The following ATP8B4 variants were observed in gnomAD, a reference collection of about 807,000 sequenced individuals.
ATP8B4 encodes ATPase phospholipid transporting 8B4 (putative).
ATP8B4 carries 133 observed loss-of-function variants against 145.6 expected under a neutral mutation model. That is an observed-to-expected ratio of 0.91 (90% CI 0.79 to 1.05). The LOEUF is 1.05. Ranked by LOEUF, ATP8B4 falls within the 50% of genes least tolerant of loss-of-function variation. The probability of loss-of-function intolerance (pLI) is 0.00; values close to 1 mark genes in which losing one functional copy is unlikely to be tolerated. For missense variants in ATP8B4, 1,458 were observed against 1,425.2 expected, an observed-to-expected ratio of 1.02 and a Z score of -0.37; for synonymous variants, 507 against 492.9, an observed-to-expected ratio of 1.03 and a Z score of -0.38.
At chr15:49,873,109 T>G (rs1263277824) in intron 25 of ATP8B4, among the ~76,000 whole-genome samples, 2 of 152,214 alleles carry the variant, frequency 1.3e-5, no homozygotes, top group East Asian at 3.8e-4. Context: ...AGGTTATCCA[T>G]TTTTTAATTA....
At chr15:49,921,215 T>C (rs2040227813) in intron 17 of ATP8B4, among the ~76,000 whole-genome samples, 1 of 152,228 alleles carries the variant, frequency 6.6e-6, no homozygotes, top group African/African-American at 2.4e-5. Context: ...TTTTTTGCTG[T>C]ATTAAAGTTT....
chr15:50,005,909 C>T (rs114937963), intron 7 of ATP8B4, among the ~76,000 whole-genome samples: 1 of 150,374 alleles, frequency 6.7e-6, no homozygotes, highest in African/African-American at 2.5e-5. Flanking sequence ...TTAAGTTGAA[C>T]ACTTTTGGAT....
intron 15 of ATP8B4, 133 bp downstream of exon 15, chr15:49,933,884 T>A: frequency 1.1e-6 from 1 of 927,942 alleles, no homozygotes; most frequent in South Asian, 2.9e-5. Flanking sequence ...TCAGTTTCTG[T>A]GTTAAAAAAC....
intron 2 of ATP8B4, among the ~76,000 whole-genome samples, chr15:50,086,906 ATAT>A (rs370331035): frequency 0.21 from 19,209 of 93,358 alleles, 2,937 homozygotes; most frequent in Middle Eastern, 0.39. Context: ...ATAGAGATCT[ATAT>A]TATTATATAT....
chr15:50,085,497 T>A (rs1188697320), intron 2 of ATP8B4, among the ~76,000 whole-genome samples: 2 of 151,938 alleles, frequency 1.3e-5, no homozygotes, highest in Non-Finnish European at 2.9e-5. Flanking sequence ...GGAATGCAGA[T>A]CCACGCAGTG....
intron 23 of ATP8B4, 134 bp downstream of exon 23, chr15:49,897,158 G>A (rs1294131571): frequency 1.0e-5 from 8 of 791,368 alleles, no homozygotes; most frequent in South Asian, 7.4e-5. Context: ...TTACATAATT[G>A]TAATACTATT....
At chr15:49,886,934 C>G (rs922006674) in intron 23 of ATP8B4, among the ~76,000 whole-genome samples, 1 of 152,028 alleles carries the variant, frequency 6.6e-6, no homozygotes, top group African/African-American at 2.4e-5. Context: ...CTCAGCCTCC[C>G]GAGTAGCTGG....
intron 3 of ATP8B4, among the ~76,000 whole-genome samples, chr15:50,051,517 C>T (rs1033878009): frequency 6.6e-5 from 10 of 152,002 alleles, no homozygotes; most frequent in African/African-American, 9.7e-5. Flanking sequence ...TACTGAAAAC[C>T]GTTCTGAAAG....
At chr15:50,103,161 G>A (rs1326296626) in intron 2 of ATP8B4, among the ~76,000 whole-genome samples, 1 of 152,068 alleles carries the variant, frequency 6.6e-6, no homozygotes, top group African/African-American at 2.4e-5. Flanking sequence ...AAAGTTGAAA[G>A]CATTCCCCCT....
chr15:50,040,315 C>T (rs1358669794), intron 5 of ATP8B4, among the ~76,000 whole-genome samples: 1 of 152,232 alleles, frequency 6.6e-6, no homozygotes, highest in African/African-American at 2.4e-5. Flanking sequence ...GCCTCAACTA[C>T]GTCTCCAGGT....
At chr15:50,133,401 A>C (rs1362571390) in intron 1 of ATP8B4, among the ~76,000 whole-genome samples, 2 of 151,386 alleles carry the variant, frequency 1.3e-5, no homozygotes, top group Non-Finnish European at 2.9e-5. Context: ...CAATATGGGG[A>C]AACTTCATCT....
At chr15:50,044,491 C>T in intron 5 of ATP8B4, 103 bp downstream of exon 5, 1 of 779,746 alleles carries the variant, frequency 1.3e-6, no homozygotes, top group Non-Finnish European at 2.0e-6. Flanking sequence ...TGATATTAAC[C>T]AAAATAACTT....
At chr15:50,042,798 A>G (rs575664687) in intron 5 of ATP8B4, among the ~76,000 whole-genome samples, 1 of 152,304 alleles carries the variant, frequency 6.6e-6, no homozygotes, top group Admixed American at 6.5e-5. Context: ...TAAAACAACC[A>G]TGAAAAAGTA....
At chr15:50,153,468 A>T (rs906474931) in intron 1 of ATP8B4, among the ~76,000 whole-genome samples, 2 of 151,884 alleles carry the variant, frequency 1.3e-5, no homozygotes, top group African/African-American at 4.8e-5. Context: ...TCTCCTGAGT[A>T]GCGGGAACTA....
intron 20 of ATP8B4, among the ~76,000 whole-genome samples, chr15:49,913,959 C>G (rs1221713596): frequency 6.6e-6 from 1 of 151,674 alleles, no homozygotes; most frequent in African/African-American, 2.4e-5. Context: ...TTATTTTTCA[C>G]AGAAATGGAA....
chr15:50,135,219 C>A (rs372061193), intron 1 of ATP8B4, among the ~76,000 whole-genome samples: 2 of 152,160 alleles, frequency 1.3e-5, no homozygotes, highest in East Asian at 1.9e-4. Context: ...CATCTCTAAA[C>A]TTTCTCAGTT....
intron 23 of ATP8B4, among the ~76,000 whole-genome samples, chr15:49,888,827 A>C (rs1480188770): frequency 6.6e-6 from 1 of 152,120 alleles, no homozygotes; most frequent in Non-Finnish European, 1.5e-5. Context: ...ATTAGAACAA[A>C]TTATATTTAA....
At chr15:49,904,347 G>A (rs2038376520) in intron 20 of ATP8B4, among the ~76,000 whole-genome samples, 2 of 152,118 alleles carry the variant, frequency 1.3e-5, no homozygotes, top group African/African-American at 4.8e-5. Context: ...TTCAACCACT[G>A]AACCAGTTTC....
At chr15:50,085,128 C>G (rs1369856376) in intron 2 of ATP8B4, among the ~76,000 whole-genome samples, 1 of 152,174 alleles carries the variant, frequency 6.6e-6, no homozygotes, top group Non-Finnish European at 1.5e-5. Flanking sequence ...CTAATCTTTA[C>G]ACATCTACCC....
Sources: allele counts gnomAD v4.1 joint callset (sites outside exome capture counted in the v4.1 genomes callset), GRCh38; gene constraint gnomAD v4.1.1; transcripts MANE v1.5; gene names NCBI Gene and HGNC (gene_info 2026-07-23, HGNC 2026-07-21).